The following FRAS1 variants were observed in gnomAD, a reference collection of about 807,000 sequenced individuals.
FRAS1 encodes the protein Fraser extracellular matrix complex subunit 1.
Under a neutral mutation model 435.2 loss-of-function variants are expected in FRAS1, and 290 were observed. The observed-to-expected ratio is 0.67, with a 90% CI of 0.61 to 0.73. FRAS1 has a LOEUF of 0.73. Among genes scored for constraint, FRAS1 ranks in the 30% least tolerant of loss-of-function variants. The pLI, the probability that FRAS1 is intolerant of heterozygous loss-of-function variation, is 0.00. For missense variants in FRAS1, 4,860 were observed against 5,001.5 expected, an observed-to-expected ratio of 0.97 and a Z score of 0.85; for synonymous variants, 1,800 against 1,851.0, an observed-to-expected ratio of 0.97 and a Z score of 0.71.
In FRAS1 at chr4:78,275,438, T is replaced by C. The variant is rs185918118; in HGVS notation, c.982-3217T>C. Among the ~76,000 whole-genome samples, 23 of 152,358 alleles carry C rather than the reference T, an allele frequency of 1.5e-4. No homozygotes were observed. In the East Asian group the frequency reaches 4.0e-3, roughly 27 times the overall value. On this transcript the variant is annotated intron_variant, in intron 9 of 73. Transcript: ENST00000512123. ...TGATTTTTACAATTTGGCATGTTTT[T>C]GCAGTGGCTGGCACCGGTTGTTCCT...
At chr4:78,240,008 C>T (rs1176318810) in intron 3 of FRAS1, among the ~76,000 whole-genome samples, 2 of 151,966 alleles carry the variant, frequency 1.3e-5, no homozygotes, top group African/African-American at 2.4e-5. Context: ...CTCTGTATAT[C>T]CACAGCATCT....
intron 14 of FRAS1, among the ~76,000 whole-genome samples, chr4:78,304,793 T>C (rs888862221): frequency 1.3e-5 from 2 of 151,650 alleles, no homozygotes; most frequent in Non-Finnish European, 2.9e-5. Context: ...TCAATTTTGT[T>C]GATCCTTTCA....
At chr4:78,326,692 C>T (rs1729732177) in intron 18 of FRAS1, among the ~76,000 whole-genome samples, 1 of 152,090 alleles carries the variant, frequency 6.6e-6, no homozygotes, top group African/African-American at 2.4e-5. Context: ...TGGAAGTCAT[C>T]ATTAAATCTA....
intron 2 of FRAS1, among the ~76,000 whole-genome samples, chr4:78,137,418 T>C (rs1719969362): frequency 6.6e-6 from 1 of 152,218 alleles, no homozygotes; most frequent in Admixed American, 6.5e-5. Context: ...CTCTTAGGCA[T>C]AATGAAGGAA....
At chr4:78,225,944 T>A (rs566847596) in intron 2 of FRAS1, among the ~76,000 whole-genome samples, 1 of 152,316 alleles carries the variant, frequency 6.6e-6, no homozygotes, top group East Asian at 1.9e-4. Context: ...TTCTATTTGT[T>A]ACTCCCATTC....
intron 2 of FRAS1, among the ~76,000 whole-genome samples, chr4:78,200,875 ATATATATATATGTATATATATAAATACG>A (rs1184941169): frequency 2.2e-4 from 30 of 135,488 alleles, no homozygotes; most frequent in Admixed American, 6.8e-4. Flanking sequence ...CCTTGAATAT[ATATATATATATGTATATATATAAATACG>A]TATATATATA....
At chr4:78,397,619 G>A (rs1304009947) in intron 29 of FRAS1, among the ~76,000 whole-genome samples, 1 of 152,104 alleles carries the variant, frequency 6.6e-6, no homozygotes, top group East Asian at 1.9e-4. Context: ...GCTCTTGGTG[G>A]AGCCCATTAG....
intron 2 of FRAS1, among the ~76,000 whole-genome samples, chr4:78,185,292 A>G (rs1722224184): frequency 6.6e-6 from 1 of 152,242 alleles, no homozygotes; most frequent in Non-Finnish European, 1.5e-5. Flanking sequence ...GAAGGGGTTT[A>G]TGGCATGTAG....
chr4:78,363,660 G>T lies in FRAS1; in HGVS notation c.2570G>T (p.Cys857Phe), dbSNP rs1399826348. ...PSGYYAERGACKKCHSSCRTC... is the reference protein window; with the variant it reads ...PSGYYAERGAFKKCHSSCRTC... ...GGATACTATGCAGAGAGAGGAGCTT[G>T]TAAAAGTGAGTAAGTGCTGGACTCA... Residue 857 changes from cysteine (C) to phenylalanine (F), a missense_variant, in exon 21 of 74, where the codon TGT becomes TTT. Coordinates refer to ENST00000512123, the MANE Select transcript of FRAS1 (RefSeq NM_025074.7). 1.4e-5 allele frequency: 22 copies of T among 1,582,490 alleles called. No homozygotes were observed. The highest frequency in any genetic ancestry group is 1.9e-5 in the Non-Finnish European group (22 of 1,164,314).
intron 2 of FRAS1, among the ~76,000 whole-genome samples, chr4:78,156,833 G>A (rs751066479): frequency 5.3e-5 from 8 of 152,130 alleles, no homozygotes; most frequent in African/African-American, 7.2e-5. Context: ...CTCCTACTAC[G>A]TCAGTTCCAG....
At chr4:78,513,007 G>A (rs1360140440) in intron 64 of FRAS1, among the ~76,000 whole-genome samples, 1 of 152,166 alleles carries the variant, frequency 6.6e-6, no homozygotes, top group Non-Finnish European at 1.5e-5. Context: ...AACTTCCATA[G>A]ACATTCACTG....
intron 31 of FRAS1, among the ~76,000 whole-genome samples, chr4:78,409,529 A>G (rs559817127): frequency 2.1e-4 from 32 of 152,344 alleles, no homozygotes; most frequent in Admixed American, 3.3e-4. Flanking sequence ...TAAGCAGAGG[A>G]ATTGGTTAAT....
intron 1 of FRAS1, 98 bp downstream of exon 1, chr4:78,058,183 T>C (rs972462526): frequency 3.5e-6 from 4 of 1,154,730 alleles, no homozygotes; most frequent in African/African-American, 3.1e-5. Flanking sequence ...GCAGGTTTTA[T>C]GGTATTTCGG....
chr4:78,501,777 T>G (rs945458126), intron 61 of FRAS1, among the ~76,000 whole-genome samples: 2 of 152,248 alleles, frequency 1.3e-5, no homozygotes, highest in African/African-American at 4.8e-5. Context: ...TTTAGTGTTT[T>G]AGTCATGAAG....
In FRAS1 at chr4:78,252,418, A is replaced by G; in HGVS notation, c.336A>G (p.Pro112=). Residue 112 remains proline (P), a synonymous_variant, in exon 5 of 74, where the codon CCA becomes CCG. Transcript: ENST00000512123. The part of the protein sequence containing the change: ...HEHGTEWASS[P]CSVCSCNHGE... ...ATGGGACAGAATGGGCCTCTTCTCC[A>G]TGTAGTGTGTGCTCTTGCAATCATG... The G allele has an allele frequency of 6.2e-7, 1 of 1,612,284 alleles. No homozygotes were observed. The highest frequency in any genetic ancestry group is 1.1e-5 in the South Asian group (1 of 91,020).
intron 18 of FRAS1, among the ~76,000 whole-genome samples, chr4:78,331,361 G>T (rs1026291230): frequency 3.3e-5 from 5 of 152,102 alleles, no homozygotes; most frequent in Admixed American, 1.3e-4. Flanking sequence ...TCCTGGTATG[G>T]GTATTAGCCT....
chr4:78,221,099 C>A (rs1299320590), intron 2 of FRAS1, among the ~76,000 whole-genome samples: 1 of 152,084 alleles, frequency 6.6e-6, no homozygotes, highest in African/African-American at 2.4e-5. Flanking sequence ...GCCCAGGAGG[C>A]AGAGATTGCC....
chr4:78,471,064 G>A (rs1396539452), intron 51 of FRAS1, among the ~76,000 whole-genome samples: 2 of 152,166 alleles, frequency 1.3e-5, no homozygotes, highest in Non-Finnish European at 2.9e-5. Flanking sequence ...AAATGAGAAA[G>A]AAGCGGGGCA....
chr4:78,147,080 T>C (rs1274488438), intron 2 of FRAS1, among the ~76,000 whole-genome samples: 3 of 152,178 alleles, frequency 2.0e-5, no homozygotes, highest in African/African-American at 7.2e-5. Context: ...GGATGTTTTA[T>C]AGGCTAATGA....
Sources: allele counts gnomAD v4.1 joint callset (sites outside exome capture counted in the v4.1 genomes callset), GRCh38; gene constraint gnomAD v4.1.1; transcripts MANE v1.5; gene names NCBI Gene and HGNC (gene_info 2026-07-23, HGNC 2026-07-21).